Variants in WWOX observed in about 807,000 individuals in gnomAD.
The protein encoded by WWOX is WW domain-containing oxidoreductase.
Under a neutral mutation model 46.2 loss-of-function variants are expected in WWOX, and 69 were observed. The observed-to-expected ratio is 1.49, with a 90% CI of 1.23 to 1.82. WWOX has a LOEUF of 1.82. Among genes scored for constraint, WWOX ranks in the 40% most tolerant of loss-of-function variants. The probability of loss-of-function intolerance (pLI) is 0.00; values close to 1 mark genes in which losing one functional copy is unlikely to be tolerated. For synonymous variants in WWOX, 359 were observed against 202.6 expected, an observed-to-expected ratio of 1.77 and a Z score of -6.56; for missense variants, 919 against 542.6, an observed-to-expected ratio of 1.69 and a Z score of -6.89.
At chr16:78,599,312 A>G (rs1567671156) in intron 8 of WWOX, among the ~76,000 whole-genome samples, 1 of 152,104 alleles carries the variant, frequency 6.6e-6, no homozygotes, top group Non-Finnish European at 1.5e-5. Context: ...AAATTAATTA[A>G]TCAATCCACA....
At chr16:79,063,306 A>T (rs770123783) in intron 8 of WWOX, among the ~76,000 whole-genome samples, 21 of 152,140 alleles carry the variant, frequency 1.4e-4, no homozygotes, top group Non-Finnish European at 2.5e-4. Flanking sequence ...CGTGTTTTTG[A>T]AGTGTTCTTA....
intron 8 of WWOX, among the ~76,000 whole-genome samples, chr16:79,084,821 T>G (rs188864962): frequency 1.9e-4 from 29 of 152,354 alleles, no homozygotes; most frequent in African/African-American, 5.8e-4. Context: ...TGACATAAAG[T>G]AGGACATGTA....
In WWOX at chr16:78,346,198, A is replaced by G. The variant is rs147399272; in HGVS notation, c.517-40662A>G. On this transcript the variant is annotated intron_variant, in intron 5 of 8. Coordinates refer to ENST00000566780, the MANE Select transcript of WWOX (RefSeq NM_016373.4). ...GGGATGTACCCATACTGCTGCCTGTATCAGTGGCTTACTCATTGTCATTGG... is the reference window on the plus strand; with the variant it reads ...GGGATGTACCCATACTGCTGCCTGTGTCAGTGGCTTACTCATTGTCATTGG... Among the ~76,000 whole-genome samples the G allele has an allele frequency of 7.2e-3, 878 of 121,692 alleles. 184 individuals carry two copies. The highest frequency in any genetic ancestry group is 0.023 in the African/African-American group (838 of 35,920). The allele number at this position is 121,692 out of a possible 152,430, so 79.8% of individuals were successfully genotyped here.
intron 6 of WWOX, among the ~76,000 whole-genome samples, chr16:78,403,605 G>A (rs575362626): frequency 6.6e-6 from 1 of 152,196 alleles, no homozygotes; most frequent in South Asian, 2.1e-4. Context: ...TATGTATTCA[G>A]GAGGCCCAGG....
At chr16:78,864,063 G>T (rs375567484) in intron 8 of WWOX, among the ~76,000 whole-genome samples, 1 of 152,090 alleles carries the variant, frequency 6.6e-6, no homozygotes, top group African/African-American at 2.4e-5. Flanking sequence ...GAACATTTCT[G>T]TGTAAGTTTT....
At chr16:78,477,627 T>C (rs2084383218) in intron 8 of WWOX, among the ~76,000 whole-genome samples, 2 of 152,200 alleles carry the variant, frequency 1.3e-5, no homozygotes, top group Non-Finnish European at 2.9e-5. Context: ...TTTTTTCAAT[T>C]TGATAATTAA....
intron 5 of WWOX, among the ~76,000 whole-genome samples, chr16:78,185,395 A>G (rs568123457): frequency 1.3e-5 from 2 of 152,324 alleles, no homozygotes; most frequent in South Asian, 4.1e-4. Flanking sequence ...ATGATCTGAT[A>G]GGAAGGATTC....
At chr16:78,393,877 T>G (rs1006053550) in intron 6 of WWOX, among the ~76,000 whole-genome samples, 3 of 152,166 alleles carry the variant, frequency 2.0e-5, no homozygotes, top group African/African-American at 7.2e-5. Context: ...ATAACGGTTT[T>G]GTATCCTTGC....
chr16:78,511,184 G>C (rs1289279728), intron 8 of WWOX, among the ~76,000 whole-genome samples: 1 of 152,148 alleles, frequency 6.6e-6, no homozygotes, highest in East Asian at 1.9e-4. Context: ...AAAGGCAGAA[G>C]ACGGCTGTCA....
chr16:78,261,768 CTATG>C (rs781468358), intron 5 of WWOX, among the ~76,000 whole-genome samples: 1 of 45,248 alleles, frequency 2.2e-5, no homozygotes, highest in African/African-American at 1.4e-4. Flanking sequence ...ATCTATCTAT[CTATG>C]TATCTATCTA....
At position 79,068,637 on chromosome 16, in the gene WWOX, C is replaced by T. The variant is rs1321629411; in HGVS notation, c.1057-142971C>T. On this transcript the variant is annotated intron_variant, in intron 8 of 8. Coordinates refer to ENST00000566780, the MANE Select transcript of WWOX (RefSeq NM_016373.4). ...CAACATGGTGAGACCCCCATCTCTA[C>T]AAACAACAACAACAAAAAAAAAAAT... 2.0e-5 allele frequency among the ~76,000 whole-genome samples: 3 copies of T among 151,356 alleles called. No homozygotes were observed. The East Asian group carries it at 5.9e-4, about 30-fold the overall frequency.
intron 8 of WWOX, among the ~76,000 whole-genome samples, chr16:78,962,738 A>T (rs1227265262): frequency 6.6e-6 from 1 of 152,296 alleles, no homozygotes; most frequent in Non-Finnish European, 1.5e-5. Context: ...TGTAAACACC[A>T]CTCAGATCAA....
At chr16:78,755,271 G>C (rs559454570) in intron 8 of WWOX, among the ~76,000 whole-genome samples, 6 of 150,848 alleles carry the variant, frequency 4.0e-5, no homozygotes, top group Non-Finnish European at 8.9e-5. Context: ...CCGGAAAAAA[G>C]AGACTCTCTT....
chr16:78,827,609 G>A (rs1223969301), intron 8 of WWOX, among the ~76,000 whole-genome samples: 1 of 151,970 alleles, frequency 6.6e-6, no homozygotes, highest in Non-Finnish European at 1.5e-5. Context: ...AAGGTGGGTG[G>A]GTCACCTGAG....
intron 8 of WWOX, among the ~76,000 whole-genome samples, chr16:78,486,701 G>T (rs149322307): frequency 6.6e-6 from 1 of 152,138 alleles, no homozygotes; most frequent in Non-Finnish European, 1.5e-5. Flanking sequence ...AGCCTCCCGC[G>T]TAGCTGGGAT....
At position 78,861,312 on chromosome 16, in the gene WWOX, C is replaced by T. The variant is rs764788615; in HGVS notation, c.1057-350296C>T. ...CCAGTCCATGCATCCATCCATCCACCTATCCACCTATTAACTTATTCACAC... is the reference window on the plus strand; with the variant it reads ...CCAGTCCATGCATCCATCCATCCACTTATCCACCTATTAACTTATTCACAC... On this transcript the variant is annotated intron_variant, in intron 8 of 8. Coordinates refer to ENST00000566780, the MANE Select transcript of WWOX (RefSeq NM_016373.4). Among the ~76,000 whole-genome samples, 11 of 152,336 alleles carry T rather than the reference C, an allele frequency of 7.2e-5. No homozygotes were observed. The East Asian group carries it at 2.1e-3, about 29-fold the overall frequency.
At chr16:78,451,663 C>G (rs1011244525) in intron 8 of WWOX, among the ~76,000 whole-genome samples, 1 of 152,204 alleles carries the variant, frequency 6.6e-6, no homozygotes, top group Non-Finnish European at 1.5e-5. Context: ...CAGGACACAG[C>G]TGAAACCTTT....
At chr16:78,983,221 T>C (rs577181399) in intron 8 of WWOX, among the ~76,000 whole-genome samples, 1 of 152,270 alleles carries the variant, frequency 6.6e-6, no homozygotes, top group Admixed American at 6.5e-5. Context: ...CCACGGACAC[T>C]CAAATTGTTT....
At chr16:78,288,292 A>G (rs1480751359) in intron 5 of WWOX, among the ~76,000 whole-genome samples, 4 of 121,692 alleles carry the variant, frequency 3.3e-5, no homozygotes, top group Non-Finnish European at 6.9e-5. Flanking sequence ...TTGCTTTAAC[A>G]GCACATACAT....
Sources: allele counts gnomAD v4.1 joint callset (sites outside exome capture counted in the v4.1 genomes callset), GRCh38; gene constraint gnomAD v4.1.1; transcripts MANE v1.5; gene names NCBI Gene and HGNC (gene_info 2026-07-23, HGNC 2026-07-21).